KIF7: variants seen among roughly 807,000 people sequenced by gnomAD.
The protein encoded by KIF7 is kinesin family member 7.
KIF7 carries 104 observed loss-of-function variants against 135.7 expected under a neutral mutation model. The ratio of observed to expected loss-of-function variants is 0.77; its 90% CI spans 0.65 to 0.90. The LOEUF (loss-of-function observed/expected upper bound fraction) is 0.90. KIF7 is among the 40% of genes least tolerant of loss of function. The pLI is 0.00. For missense variants in KIF7, 2,005 were observed against 1,839.1 expected, an observed-to-expected ratio of 1.09 and a Z score of -1.65; for synonymous variants, 883 against 809.4, an observed-to-expected ratio of 1.09 and a Z score of -1.54.
At chr15:89,629,304 C>T (rs1963616548) in intron 17 of KIF7, 71 bp downstream of exon 17, 1 of 789,872 alleles carries the variant, frequency 1.3e-6, no homozygotes, top group Non-Finnish European at 1.5e-6. Flanking sequence ...GAGGGGGGTG[C>T]AGGGCGGGGA....
chr15:89,623,709 T>C (rs1596059588), downstream of KIF7: 1 of 1,613,972 alleles, frequency 6.2e-7, no homozygotes, highest in South Asian at 1.1e-5. Context: ...CTCCGTTGTA[T>C]ACTCCAGAAA....
chr15:89,634,758 C>G (rs966823876), intron 11 of KIF7, among the ~76,000 whole-genome samples: 30 of 152,180 alleles, frequency 2.0e-4, no homozygotes, highest in Non-Finnish European at 2.2e-4. Context: ...GGAGGGGTGC[C>G]CACCATTGCC....
intron 1 of KIF7, among the ~76,000 whole-genome samples, chr15:89,653,373 A>C (rs1257134648): frequency 6.6e-6 from 1 of 152,170 alleles, no homozygotes; most frequent in Non-Finnish European, 1.5e-5. Flanking sequence ...CCTTCTTCAA[A>C]AAAGTCAACA....
chr15:89,648,853 C>T, intron 4 of KIF7, 79 bp from the exon 5 acceptor site: 2 of 1,470,570 alleles, frequency 1.4e-6, no homozygotes, highest in African/African-American at 1.4e-5. Flanking sequence ...GGGACCGGCT[C>T]CTGGCGCGGT....
In KIF7 at chr15:89,630,315, C is replaced by T. The variant is rs1963644831; in HGVS notation, c.3290G>A (p.Arg1097Lys). ...KLSYLSSSET[R>K]ALLCKYFDKV... is the part of the protein sequence containing the mutation. ...GTCAAAATACTTGCAGAGGAGGGCTCTGGTCTCTGAGGATGAGAGGTAGCT... is the reference window on the plus strand; with the variant it reads ...GTCAAAATACTTGCAGAGGAGGGCTTTGGTCTCTGAGGATGAGAGGTAGCT... The change falls in exon 16 of 19, where the codon AGA (arginine) becomes AAA (lysine). Residue 1097 changes from arginine to lysine, a missense_variant. Coordinates refer to ENST00000394412, the MANE Select transcript of KIF7 (RefSeq NM_198525.3). 1.2e-6 allele frequency: 2 copies of T among 1,614,114 alleles called. No individual in the cohort carries two copies. The highest frequency in any genetic ancestry group is 2.7e-5 in the African/African-American group (2 of 75,032).
chr15:89,628,325 G>A lies in KIF7; in HGVS notation c.*94C>T. On this transcript the variant is annotated 3_prime_UTR_variant, in exon 19 of 19. Transcript: ENST00000394412. ...AGATGAGGGCCTGGATTTAGGGTGT[G>A]CGGTAAGGACTGCCCTTCACAGAAG... is the stretch of plus-strand genomic sequence containing the variant. 2.7e-6 allele frequency: 4 copies of A among 1,472,396 alleles called. No homozygotes were observed. Among genetic ancestry groups the A allele is most frequent in the East Asian group, 2.3e-5 (1 of 43,810 alleles). 91.2% of individuals were successfully genotyped at this position (1,472,396 alleles called of 1,614,324 possible).
intron 14 of KIF7, among the ~76,000 whole-genome samples, chr15:89,631,973 C>G (rs1963689006): frequency 6.6e-6 from 1 of 152,184 alleles, no homozygotes; most frequent in Non-Finnish European, 1.5e-5. Flanking sequence ...CTGGCAAGAA[C>G]AGGCAATGGG....
At chr15:89,626,148 G>C, downstream of KIF7, 2 of 1,518,268 alleles carry the variant, frequency 1.3e-6, no homozygotes, top group Non-Finnish European at 1.8e-6. Context: ...TTCTAGAGGA[G>C]CCCCAGGGAG....
chr15:89,620,396 C>T (rs945706641), intron 1 of KIF7, among the ~76,000 whole-genome samples: 2 of 151,702 alleles, frequency 1.3e-5, no homozygotes, highest in Non-Finnish European at 2.9e-5. Context: ...TTAGTAAAGA[C>T]TGGGTTTCAC....
downstream of KIF7, chr15:89,624,807 TTC>T: frequency 6.2e-7 from 1 of 1,614,168 alleles, no homozygotes; most frequent in Non-Finnish European, 8.5e-7. Flanking sequence ...CTGAGAAGTC[TTC>T]TCTGTCTCAC....
downstream of KIF7, chr15:89,627,102 A>G (rs1296323516): frequency 3.1e-6 from 5 of 1,613,528 alleles, no homozygotes; most frequent in Non-Finnish European, 1.7e-6. Flanking sequence ...AACATTACTG[A>G]GCCCAAAAGA....
At chr15:89,625,913 C>T (rs771099293), downstream of KIF7, 29 of 1,549,456 alleles carry the variant, frequency 1.9e-5, no homozygotes, top group East Asian at 2.0e-4. Context: ...GGACGCTGCT[C>T]TTACTATGTG....
At position 89,631,539 on chromosome 15, in the gene KIF7, C is replaced by T. The variant is rs761599017; in HGVS notation, c.3067G>A (p.Glu1023Lys). Residue 1023 changes from glutamate (E) to lysine (K), a missense_variant, in exon 15 of 19, where the codon GAG (glutamate) becomes AAG (lysine). Glu to Lys is a moderately conservative substitution (Grantham distance 56). Coordinates refer to ENST00000394412, the MANE Select transcript of KIF7 (RefSeq NM_198525.3). ...CCCTGCCTCAGCTTGCCGTCGATCT[C>T]CAGGCGCTGCTTGAGCAGCGAGTCC... ...EKDSLLKQRL[E>K]IDGKLRQGSL... The T allele has an allele frequency of 1.9e-6, 3 of 1,583,538 alleles. No homozygotes were observed. The highest frequency in any genetic ancestry group is 2.6e-6 in the Non-Finnish European group (3 of 1,164,086).
chr15:89,632,805 C>T lies in KIF7; in HGVS notation c.2895+15G>A, dbSNP rs779269518. On this transcript the variant is annotated intron_variant, in intron 14 of 18. Transcript: ENST00000394412. Reference sequence around the variant, plus strand: ...TGGACCTCACCTGGCAGGATCTCTCCTGGCAGGGCCTCACCTGGCTGGATC... The same window carrying T: ...TGGACCTCACCTGGCAGGATCTCTCTTGGCAGGGCCTCACCTGGCTGGATC... 6.3e-6 allele frequency: 10 copies of T among 1,599,526 alleles called. No individual in the cohort carries two copies. In the African/African-American group the frequency reaches 1.1e-4, roughly 17 times the overall value.
At chr15:89,630,195 GA>G (rs1228156886) in intron 16 of KIF7, 91 bp downstream of exon 16, 2 of 1,204,790 alleles carry the variant, frequency 1.7e-6, no homozygotes, top group African/African-American at 3.0e-5. Flanking sequence ...AGTCTGGGAG[GA>G]AACGGGATAT....
In KIF7 at chr15:89,645,019, G is replaced by A. The variant is rs763584371; in HGVS notation, c.2185C>T (p.Arg729Cys). 39 of 1,607,950 alleles carry A rather than the reference G, an allele frequency of 2.4e-5. No individual in the cohort carries two copies. The highest frequency in any genetic ancestry group is 1.8e-4 in the East Asian group (8 of 44,886). Residue 729 changes from arginine (R) to cysteine (C), a missense_variant, in exon 10 of 19, where the codon CGC becomes TGC. Arg to Cys is a radical substitution (Grantham distance 180). Transcript: ENST00000394412. The part of the protein sequence containing the change: ...MKEELIGELV[R>C]TGKAAQALNR... ...CCTGATGCCCACGCCTCACCTGTGC[G>A]GACCAGCTCGCCAATAAGCTCCTCC...
At chr15:89,650,047 A>T in intron 2 of KIF7, 106 bp from the exon 3 acceptor site, 1 of 1,174,776 alleles carries the variant, frequency 8.5e-7, no homozygotes, top group Non-Finnish European at 1.2e-6. Context: ...ATGGTGCTCT[A>T]GGATGGAGAA....
At chr15:89,647,761 C>T in intron 5 of KIF7, 49 bp from the exon 6 acceptor site, 1 of 1,354,098 alleles carries the variant, frequency 7.4e-7, no homozygotes, top group Non-Finnish European at 1.0e-6. Flanking sequence ...ACAGGGCGAG[C>T]TGGACACCCG....
Position 89,627,991 on chromosome 15 carries a change from T to A in KIF7, c.*428A>T, listed in dbSNP as rs1325729523. ...CTTCCCATTTGTCCCTTCAAAGATT[T>A]TTTTTTATTAAATGGTTTTTTAAGA... On this transcript the variant is annotated 3_prime_UTR_variant, in exon 19 of 19. Transcript: ENST00000394412. 1 of 158,470 alleles carries A rather than the reference T, an allele frequency of 6.3e-6. No individual in the cohort carries two copies. The highest frequency in any genetic ancestry group is 1.4e-5 in the Non-Finnish European group (1 of 72,618). The allele number at this position is 158,470 out of a possible 1,614,324, so 9.8% of individuals were successfully genotyped here. A position where few individuals can be genotyped will look rare whatever the true frequency, so the allele number is the denominator to read the frequency against.
Sources: allele counts gnomAD v4.1 joint callset (sites outside exome capture counted in the v4.1 genomes callset), GRCh38; gene constraint gnomAD v4.1.1; transcripts MANE v1.5; gene names NCBI Gene and HGNC (gene_info 2026-07-23, HGNC 2026-07-21).